Variants in FLNB observed in about 807,000 individuals in gnomAD.
The protein encoded by FLNB is filamin-B.
A neutral mutation model predicts 250.6 loss-of-function variants in FLNB; 111 were observed. The observed-to-expected ratio is 0.44, with a 90% CI of 0.38 to 0.52. FLNB has a LOEUF of 0.52. Ranked by LOEUF, FLNB falls within the 20% of genes least tolerant of loss-of-function variation. The pLI is 0.00. For synonymous variants in FLNB, 1,302 were observed against 1,372.1 expected (o/e 0.95, Z 1.13); for missense variants, 2,869 against 3,447.8 (o/e 0.83, Z 4.20).
At chr3:58,070,807 A>T (rs189242803) in intron 1 of FLNB, among the ~76,000 whole-genome samples, 1 of 151,748 alleles carries the variant, frequency 6.6e-6, no homozygotes, top group Admixed American at 6.6e-5. Context: ...CTACAGGCAC[A>T]TGCCACCACG....
At position 58,169,537 on chromosome 3, in the gene FLNB, G is replaced by A; in HGVS notation, c.7418-53G>A. On this transcript the variant is annotated intron_variant, in intron 44 of 45. Coordinates refer to ENST00000295956, the MANE Select transcript of FLNB (RefSeq NM_001457.4). The surrounding 1 kb of genome is among the most constrained non-coding windows in gnomAD (Gnocchi z 4.8). ...GTACTCGCCTGTCCTCTGGCTGAGA[G>A]ACCCCTCTTGATCTGGCCATTCATG... is the stretch of plus-strand genomic sequence containing the variant. 1.4e-6 allele frequency: 2 copies of A among 1,447,704 alleles called. No homozygotes were observed. The highest frequency in any genetic ancestry group is 3.3e-5 in the Admixed American group (2 of 59,818). 89.7% of individuals were successfully genotyped at this position (1,447,704 alleles called of 1,614,324 possible). A position where few individuals can be genotyped will look rare whatever the true frequency, so the allele number is the denominator to read the frequency against.
At chr3:58,144,771 G>A (rs1005633630) in intron 32 of FLNB, among the ~76,000 whole-genome samples, 1 of 152,346 alleles carries the variant, frequency 6.6e-6, no homozygotes, top group Non-Finnish European at 1.5e-5. Context: ...GTAGAATATG[G>A]TATCAAATTT....
In FLNB at chr3:58,110,013, A is replaced by T; in HGVS notation, c.2327A>T (p.Asp776Val). ...TVDCTEAGEGDVSVGIKCDAR... is the reference protein window; with the variant it reads ...TVDCTEAGEGVVSVGIKCDAR... ...CTAATAAGCTGGTCTGTTCCAGGTG[A>T]TGTCAGTGTTGGCATTAAGTGTGAT... is the stretch of plus-strand genomic sequence containing the variant. Residue 776 changes from aspartate (D) to valine (V), a missense_variant, in exon 16 of 46, where the codon GAT becomes GTT. Asp to Val is a radical substitution (Grantham distance 152). Coordinates refer to ENST00000295956, the MANE Select transcript of FLNB (RefSeq NM_001457.4). The T allele has an allele frequency of 6.2e-7, 1 of 1,614,180 alleles. No homozygotes were observed. Among genetic ancestry groups the T allele is most frequent in the Non-Finnish European group, 8.5e-7 (1 of 1,180,032 alleles).
intron 1 of FLNB, among the ~76,000 whole-genome samples, chr3:58,030,886 A>AAAC (rs1227658148): frequency 6.6e-6 from 1 of 152,188 alleles, no homozygotes; most frequent in Admixed American, 6.5e-5. Flanking sequence ...CCTGTCTCAA[A>AAAC]AACAACAACA....
chr3:58,139,291 A>T (rs1442453791), intron 29 of FLNB, among the ~76,000 whole-genome samples: 1 of 152,206 alleles, frequency 6.6e-6, no homozygotes, highest in Non-Finnish European at 1.5e-5. Flanking sequence ...TTACAAATGA[A>T]GCATGCTTGG....
intron 21 of FLNB, 146 bp from the exon 22 acceptor site, chr3:58,124,183 ATAT>A: frequency 1.2e-6 from 1 of 801,894 alleles, no homozygotes; most frequent in East Asian, 2.6e-5. Flanking sequence ...GAGGGGGTTA[ATAT>A]TCTTGATTTG....
chr3:58,161,713 G>A (rs780209132), intron 42 of FLNB, among the ~76,000 whole-genome samples: 6 of 152,176 alleles, frequency 3.9e-5, no homozygotes, highest in Admixed American at 1.3e-4. Context: ...CGCCCTGCAA[G>A]GCGTCAAATA....
At chr3:58,094,224 C>T (rs1459103354) in intron 4 of FLNB, among the ~76,000 whole-genome samples, 2 of 152,226 alleles carry the variant, frequency 1.3e-5, no homozygotes, top group Non-Finnish European at 2.9e-5. Flanking sequence ...GGATTACAGG[C>T]ATGTGCCACC....
In FLNB at chr3:58,021,654, C is replaced by G. The variant is rs539279531; in HGVS notation, c.292+12798C>G. 9.2e-5 allele frequency among the ~76,000 whole-genome samples: 14 copies of G among 152,326 alleles called. No homozygotes were observed. In the East Asian group the frequency reaches 1.7e-3, roughly 19 times the overall value. On this transcript the variant is annotated intron_variant, in intron 1 of 45. Transcript: ENST00000295956. The stretch of plus-strand genomic sequence containing the variant: ...TCACATTACACTTCCTGCAGGTGTG[C>G]ACCTCTTACCTAATTGTCTCTCCTA...
rs1196129405 is a variant in FLNB, at chr3:58,019,120, G to C, written c.292+10264G>C. Among the ~76,000 whole-genome samples the C allele has an allele frequency of 2.0e-5, 3 of 152,136 alleles. No homozygotes were observed. In the East Asian group the frequency reaches 5.8e-4, roughly 29 times the overall value. On this transcript the variant is annotated intron_variant, in intron 1 of 45. Coordinates refer to ENST00000295956, the MANE Select transcript of FLNB (RefSeq NM_001457.4). Reference sequence around the variant, plus strand: ...TCACTGCACTCTAGCCTGGGCGACAGAGTGAGACCCGTTTCTAAAACAAAG... The same window carrying C: ...TCACTGCACTCTAGCCTGGGCGACACAGTGAGACCCGTTTCTAAAACAAAG...
At chr3:58,100,589 C>CTTTTTTTTT (rs147921421) in intron 8 of FLNB, among the ~76,000 whole-genome samples, 9 of 124,960 alleles carry the variant, frequency 7.2e-5, no homozygotes, top group African/African-American at 1.6e-4. Context: ...TTTTCTTTTT[C>CTTTTTTTTT]TTTTTTTTTT....
At chr3:58,053,118 A>C (rs958914182) in intron 1 of FLNB, among the ~76,000 whole-genome samples, 1 of 152,230 alleles carries the variant, frequency 6.6e-6, no homozygotes, top group Non-Finnish European at 1.5e-5. Context: ...CAGGTAGTCT[A>C]ACCTCTCTGC....
intron 4 of FLNB, among the ~76,000 whole-genome samples, chr3:58,092,857 ATC>A (rs1476843810): frequency 2.6e-5 from 4 of 152,164 alleles, no homozygotes; most frequent in Non-Finnish European, 5.9e-5. Context: ...GGTCACCAAA[ATC>A]TATGGATTTC....
intron 18 of FLNB, among the ~76,000 whole-genome samples, chr3:58,114,889 A>T (rs893577082): frequency 2.0e-5 from 3 of 152,012 alleles, no homozygotes; most frequent in African/African-American, 4.8e-5. Context: ...CCATTTTTAT[A>T]TCAACCTTCT....
intron 24 of FLNB, among the ~76,000 whole-genome samples, chr3:58,127,439 A>G (rs1248809673): frequency 6.6e-6 from 1 of 152,066 alleles, no homozygotes; most frequent in Admixed American, 6.5e-5. Flanking sequence ...GCTGATCAAG[A>G]TATGCAGATT....
intron 40 of FLNB, among the ~76,000 whole-genome samples, chr3:58,155,675 G>A (rs1309187854): frequency 6.6e-6 from 1 of 152,190 alleles, no homozygotes; most frequent in Non-Finnish European, 1.5e-5. Context: ...TTAGAGAATG[G>A]TGAAAATTAA....
intron 1 of FLNB, among the ~76,000 whole-genome samples, chr3:58,059,478 CTTG>C (rs2106874865): frequency 6.6e-6 from 1 of 152,224 alleles, no homozygotes; most frequent in East Asian, 1.9e-4. Context: ...AGCTGGGGTT[CTTG>C]TTGAGCCGGG....
At chr3:58,139,869 GA>G (rs1433400254) in intron 29 of FLNB, among the ~76,000 whole-genome samples, 9 of 152,164 alleles carry the variant, frequency 5.9e-5, no homozygotes, top group African/African-American at 2.2e-4. Context: ...GGGGGTAAGA[GA>G]AGACCATATT....
At position 58,159,633 on chromosome 3, in the gene FLNB, T is replaced by G; in HGVS notation, c.6968T>G (p.Val2323Gly). The change falls in exon 42 of 46, where the codon GTG (valine) becomes GGG (glycine). Residue 2323 changes from valine to glycine, a missense_variant. Physicochemically the swap from Val to Gly is moderately radical, Grantham distance 109. This residue lies in a region of FLNB where 1,084 missense variants were observed against 1,315.5 expected (regional missense o/e 0.82). Transcript: ENST00000295956. Reference protein sequence around the residue: ...NGAKGKIDAKVHSPSGAVEEC... With the variant: ...NGAKGKIDAKGHSPSGAVEEC... The stretch of plus-strand genomic sequence containing the variant: ...GCAAAAGGCAAGATTGATGCAAAGG[T>G]GCACAGCCCCTCTGGAGCCGTGGAG... 1 of 1,612,334 alleles carries G rather than the reference T, an allele frequency of 6.2e-7. No homozygotes were observed. Among genetic ancestry groups the G allele is most frequent in the East Asian group, 2.2e-5 (1 of 44,874 alleles).
Sources: allele counts gnomAD v4.1 joint callset (sites outside exome capture counted in the v4.1 genomes callset), GRCh38; gene constraint gnomAD v4.1.1; regional missense constraint gnomAD v4.1.1; non-coding constraint Gnocchi (gnomAD v3.1); transcripts MANE v1.5; gene names NCBI Gene and HGNC (gene_info 2026-07-23, HGNC 2026-07-21).